Variants in DOCK9 observed in about 807,000 individuals in gnomAD.
DOCK9 encodes dedicator of cytokinesis protein 9.
A neutral mutation model predicts 263.3 loss-of-function variants in DOCK9; 89 were observed. That is an observed-to-expected ratio of 0.34 (90% confidence interval 0.28 to 0.40). The LOEUF (loss-of-function observed/expected upper bound fraction) is 0.40. Ranked by LOEUF, DOCK9 falls within the 10% of genes least tolerant of loss-of-function variation. The pLI, the probability that DOCK9 is intolerant of heterozygous loss-of-function variation, is 1.00. For missense variants in DOCK9, 2,140 were observed against 2,603.4 expected (o/e 0.82, Z 3.87); for synonymous variants, 976 against 973.1 (o/e 1.00, Z -0.06).
intron 1 of DOCK9, among the ~76,000 whole-genome samples, chr13:99,016,673 A>G (rs1316856970): frequency 6.6e-6 from 1 of 152,224 alleles, no homozygotes; most frequent in African/African-American, 2.4e-5. Flanking sequence ...ATATGATACC[A>G]AGTTGACTCT....
At chr13:98,840,425 C>T (rs554487125) in intron 38 of DOCK9, among the ~76,000 whole-genome samples, 11 of 152,174 alleles carry the variant, frequency 7.2e-5, no homozygotes, top group Non-Finnish European at 1.5e-4. Flanking sequence ...GGATGCTTTA[C>T]GGTCCTTCGG....
At chr13:98,890,462 C>T (rs1486151513) in intron 15 of DOCK9, among the ~76,000 whole-genome samples, 4 of 152,168 alleles carry the variant, frequency 2.6e-5, no homozygotes, top group African/African-American at 7.2e-5. Flanking sequence ...AGCTTAGCGG[C>T]GCAGTTACAA....
intron 1 of DOCK9, among the ~76,000 whole-genome samples, chr13:98,969,761 G>GT (rs895842061): frequency 2.0e-5 from 3 of 152,230 alleles, no homozygotes; most frequent in Non-Finnish European, 4.4e-5. Flanking sequence ...AACCAGGGCA[G>GT]TGCATGCCAG....
chr13:98,880,464 C>G, intron 26 of DOCK9, 83 bp downstream of exon 26: 2 of 1,577,170 alleles, frequency 1.3e-6, no homozygotes, highest in Non-Finnish European at 1.7e-6. Context: ...TAAGAGCACT[C>G]AGAAAGGCTG....
intron 1 of DOCK9, among the ~76,000 whole-genome samples, chr13:99,023,309 G>C (rs1444882921): frequency 6.6e-6 from 1 of 152,220 alleles, no homozygotes; most frequent in Non-Finnish European, 1.5e-5. Flanking sequence ...GCCTTAAAAT[G>C]CAAGAAATTT....
rs1455510087 is a variant in DOCK9, at chr13:98,800,283, C to T, written c.5916+5G>A. On this transcript the variant is annotated splice_donor_5th_base_variant and intron_variant, in intron 50 of 52. Transcript: ENST00000682017. ...CTGCCCTCCGGCCTGCTGTGCCTGGCTCACCTGAACACTCACGCTGCCCTG... is the reference window on the plus strand; with the variant it reads ...CTGCCCTCCGGCCTGCTGTGCCTGGTTCACCTGAACACTCACGCTGCCCTG... 4.4e-6 allele frequency: 7 copies of T among 1,591,662 alleles called. No homozygotes were observed.
chr13:99,003,591 C>T (rs1027980004), intron 1 of DOCK9, among the ~76,000 whole-genome samples: 2 of 152,198 alleles, frequency 1.3e-5, no homozygotes, highest in Admixed American at 1.3e-4. Context: ...TCCATTCCTT[C>T]AGTGCTCCCA....
At chr13:98,964,123 C>A (rs1197924578) in intron 1 of DOCK9, among the ~76,000 whole-genome samples, 1 of 152,202 alleles carries the variant, frequency 6.6e-6, no homozygotes, top group Non-Finnish European at 1.5e-5. Flanking sequence ...CACGGCCCTG[C>A]CCCAGGGAGC....
At chr13:98,914,536 G>C (rs2050580567) in intron 8 of DOCK9, 141 bp from the exon 9 acceptor site, 2 of 670,024 alleles carry the variant, frequency 3.0e-6, no homozygotes, top group Non-Finnish European at 5.1e-6. Flanking sequence ...GGAAACACTT[G>C]GGGTGCTTTG....
rs1417439526 is a variant in DOCK9, at chr13:98,831,487, G to A, written c.4496C>T (p.Ala1499Val). The A allele has an allele frequency of 3.8e-6, 6 of 1,591,596 alleles. No homozygotes were observed. The change falls in exon 41 of 53, where the codon GCT (alanine) becomes GTT (valine). Residue 1499 changes from alanine to valine, a missense_variant. Ala to Val is a moderately conservative substitution (Grantham distance 64). Coordinates refer to ENST00000682017, the MANE Select transcript of DOCK9 (RefSeq NM_001366683.2). ...FYEGRADMCA[A>V]LCYEILKCCN... Reference sequence around the variant, plus strand: ...GCACTTGAGAATCTCGTAACACAGAGCCGCACACATGTCCGCTCTCCCTTC... The same window carrying A: ...GCACTTGAGAATCTCGTAACACAGAACCGCACACATGTCCGCTCTCCCTTC...
At position 99,041,982 on chromosome 13, in the gene DOCK9, G is replaced by A. The variant is rs550791024; in HGVS notation, c.129+44241C>T. Among the ~76,000 whole-genome samples, 111 of 152,330 alleles carry A rather than the reference G, an allele frequency of 7.3e-4. 1 individual carries two copies. In the South Asian group the frequency reaches 0.022, roughly 30 times the overall value. On this transcript the variant is annotated intron_variant, in intron 1 of 32. Coordinates refer to the DOCK9 transcript ENST00000427887. ...TTCAGACTTTTGGTCTCTCAGAAGTGTGACAGAATAAATTTCTGCTGTTTT... is the reference window on the plus strand; with the variant it reads ...TTCAGACTTTTGGTCTCTCAGAAGTATGACAGAATAAATTTCTGCTGTTTT...
chr13:98,996,278 C>G (rs551224696), intron 1 of DOCK9, among the ~76,000 whole-genome samples: 1 of 152,294 alleles, frequency 6.6e-6, no homozygotes, highest in East Asian at 1.9e-4. Context: ...CACAACCCAT[C>G]CTTCTCACTC....
intron 30 of DOCK9, 176 bp downstream of exon 30, chr13:98,867,249 G>T (rs2094053705): frequency 1.2e-5 from 7 of 573,782 alleles, no homozygotes; most frequent in Non-Finnish European, 2.1e-5. Flanking sequence ...TTGCTGAAAA[G>T]TAAGTTCCCA....
chr13:99,047,542 G>A (rs906135663), intron 1 of DOCK9, among the ~76,000 whole-genome samples: 9 of 138,120 alleles, frequency 6.5e-5, no homozygotes, highest in East Asian at 2.2e-4. Flanking sequence ...TTTTTGAGAC[G>A]GAGTCTCGCC....
chr13:99,012,063 G>GC (rs1884580502), intron 1 of DOCK9, among the ~76,000 whole-genome samples: 1 of 152,006 alleles, frequency 6.6e-6, no homozygotes, highest in Non-Finnish European at 1.5e-5. Context: ...CTGTCCACCC[G>GC]CCTTAGCCTC....
chr13:98,930,086 G>T, intron 3 of DOCK9, 82 bp downstream of exon 3: 1 of 1,270,364 alleles, frequency 7.9e-7, no homozygotes, highest in Non-Finnish European at 1.1e-6. Context: ...ACACTTCCTT[G>T]ACAATTTTGA....
intron 1 of DOCK9, among the ~76,000 whole-genome samples, chr13:99,008,228 ATATATATT>A (rs1405259704): frequency 7.6e-4 from 90 of 118,034 alleles, no homozygotes; most frequent in African/African-American, 2.6e-3. Context: ...ATATATATAT[ATATATATT>A]TTTTTTTTTT....
chr13:99,032,827 C>T (rs1887489197), intron 1 of DOCK9, among the ~76,000 whole-genome samples: 1 of 152,190 alleles, frequency 6.6e-6, no homozygotes, highest in African/African-American at 2.4e-5. Flanking sequence ...GAATGTCAAC[C>T]TATGTGAAAG....
At chr13:98,851,984 G>T (rs2093587313) in intron 35 of DOCK9, among the ~76,000 whole-genome samples, 1 of 152,086 alleles carries the variant, frequency 6.6e-6, no homozygotes, top group Non-Finnish European at 1.5e-5. Context: ...AGAGGTGGTT[G>T]CATTTTAAAA....
Sources: gnomAD v4.1 joint callset for allele counts (sites outside exome capture counted in the v4.1 genomes callset) on GRCh38, gnomAD v4.1.1 for gene constraint, MANE v1.5 for transcripts, NCBI Gene and HGNC (gene_info 2026-07-23, HGNC 2026-07-21) for gene names.